Variants in CHRD observed in about 807,000 individuals in gnomAD.
The protein encoded by CHRD is chordin.
In CHRD, 69 loss-of-function variants were observed where a neutral mutation model predicts 113.7. The observed-to-expected ratio is 0.61, with a 90% CI of 0.50 to 0.74. CHRD has a LOEUF of 0.74. Ranked by LOEUF, CHRD falls within the 30% of genes least tolerant of loss-of-function variation. The probability of loss-of-function intolerance (pLI) is 0.00; values close to 1 mark genes in which losing one functional copy is unlikely to be tolerated. For synonymous variants in CHRD, 561 were observed against 540.8 expected (o/e 1.04, Z -0.52); for missense variants, 1,194 against 1,295.8 (o/e 0.92, Z 1.21).
chr3:184,383,203 A>C (rs1315562570), intron 10 of CHRD, 40 bp downstream of exon 10: 4 of 1,590,820 alleles, frequency 2.5e-6, no homozygotes, highest in Non-Finnish European at 2.6e-6. Flanking sequence ...GGCATGCACA[A>C]CTGAGAGACA....
rs138569844 is a variant in CHRD at position 184,387,938 on chromosome 3, C to T, written c.2459C>T (p.Thr820Ile). Residue 820 changes from threonine (T) to isoleucine (I), a missense_variant, in exon 20 of 23, where the codon ACT becomes ATT. Physicochemically the swap from Thr to Ile is moderately conservative, Grantham distance 89. Coordinates refer to ENST00000204604, the Ensembl canonical transcript of CHRD. This position sits in a 1 kb window ranked among gnomAD's most constrained non-coding sequence, Gnocchi z 6.1. The stretch of plus-strand genomic sequence containing the variant: ...CTCAATGGATCCCTACAGGGGGGCA[C>T]TGGAGAGGTGCACTGTGAGAAGGTG... 1,388 of 1,611,982 alleles carry T rather than the reference C, an allele frequency of 8.6e-4. 3 individuals are homozygous for T. The highest frequency in any genetic ancestry group is 1.1e-3 in the Non-Finnish European group (1,266 of 1,179,426).
chr3:184,382,855 G>A lies in CHRD; in HGVS notation c.983-1G>A. 14 of 1,613,164 alleles carry A rather than the reference G, an allele frequency of 8.7e-6. No individual in the cohort carries two copies. The highest frequency in any genetic ancestry group is 1.2e-5 in the Non-Finnish European group (14 of 1,179,346). ...AAAGGCCCACATGTGCGGCCTTGCAGGACTAACCCAGGTTCCCTTGAGGCT... is the reference window on the plus strand; with the variant it reads ...AAAGGCCCACATGTGCGGCCTTGCAAGACTAACCCAGGTTCCCTTGAGGCT... On this transcript the variant is annotated splice_acceptor_variant, in intron 8 of 22. Coordinates refer to ENST00000204604, the Ensembl canonical transcript of CHRD. LOFTEE classifies it high-confidence loss of function.
In CHRD at chr3:184,380,981, T is replaced by A; in HGVS notation, c.252+186T>A. On this transcript the variant is annotated intron_variant, in intron 2 of 22. Transcript: ENST00000204604. This position sits in a 1 kb window ranked among gnomAD's most constrained non-coding sequence, Gnocchi z 6.3. ...GTGCTGTTACTGATCGCCCACTCTG[T>A]GTGAGGCTCTGTGCCAACTCCGTTT... 1 of 730,382 alleles carries A rather than the reference T, an allele frequency of 1.4e-6. No individual in the cohort carries two copies. The highest frequency in any genetic ancestry group is 2.4e-6 in the Non-Finnish European group (1 of 411,038). The allele number at this position is 730,382 out of a possible 1,614,324, so 45.2% of individuals were successfully genotyped here.
Position 184,388,822 on chromosome 3 carries a change from T to C in CHRD, c.2710-71T>C, listed in dbSNP as rs1716780201. 3.7e-6 allele frequency: 6 copies of C among 1,603,528 alleles called. No homozygotes were observed. Among genetic ancestry groups the C allele is most frequent in the Middle Eastern group, 3.3e-4 (2 of 6,040 alleles). The stretch of plus-strand genomic sequence containing the variant: ...AGGGAGACCTTCCCAGGGAGGTCCC[T>C]GAAGAAGCTGAAGGTCACTGTGTCC... On this transcript the variant is annotated intron_variant, in intron 21 of 22. Coordinates refer to ENST00000204604, the Ensembl canonical transcript of CHRD. This position sits in a 1 kb window ranked among gnomAD's most constrained non-coding sequence, Gnocchi z 6.1.
chr3:184,386,327 C>G (rs904722281), intron 15 of CHRD, 165 bp from the exon 16 acceptor site: 1 of 1,244,490 alleles, frequency 8.0e-7, no homozygotes, highest in Non-Finnish European at 1.1e-6. Flanking sequence ...GCTGGCAGCC[C>G]GGCACCCTAT....
chr3:184,387,177 A>G lies in CHRD; in HGVS notation c.2347+70A>G, dbSNP rs1716462549. 4.1e-6 allele frequency: 6 copies of G among 1,468,266 alleles called. No homozygotes were observed. Among genetic ancestry groups the G allele is most frequent in the South Asian group, 1.1e-5 (1 of 87,796 alleles). 91.0% of individuals were successfully genotyped at this position (1,468,266 alleles called of 1,614,324 possible). On this transcript the variant is annotated intron_variant, in intron 18 of 22. Coordinates refer to ENST00000204604, the Ensembl canonical transcript of CHRD. The surrounding 1 kb of genome is among the most constrained non-coding windows in gnomAD (Gnocchi z 6.1). ...CATTAGGTTGAACCAGGAGGGGGAC[A>G]AGAAGGGGAGAGTATATAGGGGGTG...
intron 10 of CHRD, 35 bp downstream of exon 10, chr3:184,383,198 G>A (rs747627209): frequency 1.3e-6 from 2 of 1,591,978 alleles, no homozygotes; most frequent in Non-Finnish European, 1.7e-6. Flanking sequence ...CGCCGGGCAT[G>A]CACAACTGAG....
intron 6 of CHRD, 134 bp downstream of exon 6, chr3:184,382,154 A>G: frequency 7.7e-7 from 1 of 1,306,740 alleles, no homozygotes; most frequent in Non-Finnish European, 1.1e-6. Flanking sequence ...CATTTTACAG[A>G]AGGGGGAACT....
intron 14 of CHRD, among the ~76,000 whole-genome samples, chr3:184,385,683 AAAAAAAAAAAAAG>A (rs1486817419): frequency 6.8e-6 from 1 of 147,954 alleles, no homozygotes; most frequent in African/African-American, 2.5e-5. Flanking sequence ...AAAAAAAAAA[AAAAAAAAAAAAAG>A]AGCTGGCATG....
chr3:184,386,904 G>A lies in CHRD; in HGVS notation c.2256G>A (p.Val752=), dbSNP rs779764178. Residue 752 remains valine (V), a synonymous_variant, in exon 17 of 23, where the codon GTG becomes GTA. Coordinates refer to ENST00000204604, the Ensembl canonical transcript of CHRD. ...CACCGCCCAGCTGCCCACACCCGGT[G>A]CAGGCTCCCGACCAGTGCTGCCCTG... 7 of 1,614,212 alleles carry A rather than the reference G, an allele frequency of 4.3e-6. No individual in the cohort carries two copies. In the Admixed American group the frequency reaches 1.2e-4, roughly 27 times the overall value.
chr3:184,383,273 T>C (rs759539815), intron 10 of CHRD, 39 bp from the exon 11 acceptor site: 3 of 1,598,730 alleles, frequency 1.9e-6, no homozygotes, highest in Non-Finnish European at 1.7e-6. Context: ...TAAGCGGCCA[T>C]GGGGTAAACC....
rs762679891 is a variant in CHRD, at chr3:184,383,178, G to A, written c.1213+15G>A. ...GAGCTGCGACGGTGAGGCGGGGGGG[G>A]GGCCTGGTGCGCCGGGCATGCACAA... On this transcript the variant is annotated intron_variant, in intron 10 of 22. Transcript: ENST00000204604. 2 of 1,594,870 alleles carry A rather than the reference G, an allele frequency of 1.3e-6. No individual in the cohort carries two copies. Among genetic ancestry groups the A allele is most frequent in the Non-Finnish European group, 1.7e-6 (2 of 1,170,412 alleles).
At position 184,387,591 on chromosome 3, in the gene CHRD, C is replaced by A; in HGVS notation, c.2451+114C>A. 2.0e-6 allele frequency: 2 copies of A among 1,007,856 alleles called. No homozygotes were observed. The highest frequency in any genetic ancestry group is 1.4e-6 in the Non-Finnish European group (1 of 704,274). 62.4% of individuals were successfully genotyped at this position (1,007,856 alleles called of 1,614,324 possible). The stretch of plus-strand genomic sequence containing the variant: ...GGTGAGGAGGGCTCAAGAATCAAAA[C>A]GATATGAGAAAAGGCCCTTGCGCTC... On this transcript the variant is annotated intron_variant, in intron 19 of 22. Transcript: ENST00000204604. The surrounding 1 kb of genome is among the most constrained non-coding windows in gnomAD (Gnocchi z 6.1).
intron 22 of CHRD, 91 bp downstream of exon 22, chr3:184,389,086 G>T (rs1007707970): frequency 8.8e-6 from 8 of 914,246 alleles, no homozygotes; most frequent in African/African-American, 6.5e-5. Context: ...CTCACTGTGT[G>T]CAGGAACAGT....
In CHRD at chr3:184,387,248, G is replaced by A; in HGVS notation, c.2348-126G>A. ...AAGTGATGCCTGACAGGACTCATTA[G>A]TGTTACTGGCCCCCAGGTGGGCCCT... On this transcript the variant is annotated intron_variant, in intron 18 of 22. Coordinates refer to ENST00000204604, the Ensembl canonical transcript of CHRD. The surrounding 1 kb of genome is among the most constrained non-coding windows in gnomAD (Gnocchi z 6.1). 7.8e-7 allele frequency: 1 copy of A among 1,285,584 alleles called. No homozygotes were observed. The highest frequency in any genetic ancestry group is 1.1e-6 in the Non-Finnish European group (1 of 909,766). The allele number at this position is 1,285,584 out of a possible 1,614,324, so 79.6% of individuals were successfully genotyped here. A position where few individuals can be genotyped will look rare whatever the true frequency, so the allele number is the denominator to read the frequency against.
In CHRD at chr3:184,381,117, G is replaced by T. The variant is rs1345723964; in HGVS notation, c.253-118G>T. 8.5e-7 allele frequency: 1 copy of T among 1,174,320 alleles called. No individual in the cohort carries two copies. Among genetic ancestry groups the T allele is most frequent in the Non-Finnish European group, 1.3e-6 (1 of 789,352 alleles). 72.7% of individuals were successfully genotyped at this position (1,174,320 alleles called of 1,614,324 possible). ...CCAGAGAGATGAAGTAGCTTGTCTAGGGTCACGCAGCTTGTAAGTGGCAGA... is the reference window on the plus strand; with the variant it reads ...CCAGAGAGATGAAGTAGCTTGTCTATGGTCACGCAGCTTGTAAGTGGCAGA... On this transcript the variant is annotated intron_variant, in intron 2 of 22. Coordinates refer to ENST00000204604, the Ensembl canonical transcript of CHRD. The surrounding 1 kb of genome is among the most constrained non-coding windows in gnomAD (Gnocchi z 4.7).
At chr3:184,382,856 G>A (rs748477109) in exon 9 of CHRD, 1 of 1,613,146 alleles carries the variant, frequency 6.2e-7, no homozygotes, top group Non-Finnish European at 8.5e-7. Context: ...GGCCTTGCAG[G>A]ACTAACCCAG....
Position 184,380,970 on chromosome 3 carries a change from C to A in CHRD, c.252+175C>A. 1 of 735,096 alleles carries A rather than the reference C, an allele frequency of 1.4e-6. No homozygotes were observed. The highest frequency in any genetic ancestry group is 2.4e-6 in the Non-Finnish European group (1 of 415,754). 45.5% of individuals were successfully genotyped at this position (735,096 alleles called of 1,614,324 possible). A position where few individuals can be genotyped will look rare whatever the true frequency, so the allele number is the denominator to read the frequency against. ...CCAATTCTTAGGTGCTGTTACTGAT[C>A]GCCCACTCTGTGTGAGGCTCTGTGC... On this transcript the variant is annotated intron_variant, in intron 2 of 22. Coordinates refer to ENST00000204604, the Ensembl canonical transcript of CHRD. The surrounding 1 kb of genome is among the most constrained non-coding windows in gnomAD (Gnocchi z 6.3).
chr3:184,383,489 C>T (rs768642666), intron 11 of CHRD, 34 bp from the exon 12 acceptor site: 149 of 1,613,410 alleles, frequency 9.2e-5, no homozygotes, highest in African/African-American at 1.2e-4. Flanking sequence ...TTTACTGCCT[C>T]TCCACTTTGC....
Sources: allele counts gnomAD v4.1 joint callset (sites outside exome capture counted in the v4.1 genomes callset), GRCh38; gene constraint gnomAD v4.1.1; non-coding constraint Gnocchi (gnomAD v3.1); transcripts MANE v1.5; gene names NCBI Gene and HGNC (gene_info 2026-07-23, HGNC 2026-07-21).